The following ARFGEF3 variants were observed in gnomAD, a reference collection of about 807,000 sequenced individuals.
ARFGEF3 encodes the protein brefeldin A-inhibited guanine nucleotide-exchange protein 3.
In ARFGEF3, 96 loss-of-function variants were observed where a neutral mutation model predicts 221.7. The ratio of observed to expected loss-of-function variants is 0.43; its 90% CI spans 0.37 to 0.51. The LOEUF (loss-of-function observed/expected upper bound fraction) is 0.51. Ranked by LOEUF, ARFGEF3 falls within the 20% of genes least tolerant of loss-of-function variation. The probability of loss-of-function intolerance (pLI) is 0.00; values close to 1 mark genes in which losing one functional copy is unlikely to be tolerated. For missense variants in ARFGEF3, 2,410 were observed against 2,789.9 expected (o/e 0.86, Z 3.07); for synonymous variants, 1,145 against 1,126.8 (o/e 1.02, Z -0.32).
At chr6:138,262,592 A>G in intron 11 of ARFGEF3, 109 bp from the exon 12 acceptor site, 3 of 1,071,042 alleles carry the variant, frequency 2.8e-6, no homozygotes, top group Middle Eastern at 2.1e-4. Context: ...AAATCAGACT[A>G]TCTGTTTTGA....
intron 2 of ARFGEF3, among the ~76,000 whole-genome samples, chr6:138,198,671 T>C (rs963354673): frequency 1.3e-5 from 2 of 150,320 alleles, no homozygotes; most frequent in Non-Finnish European, 2.9e-5. Context: ...TGGCTTGAAC[T>C]CAGCAGCTAG....
chr6:138,307,545 G>A, intron 23 of ARFGEF3, 148 bp downstream of exon 23: 2 of 735,656 alleles, frequency 2.7e-6, no homozygotes, highest in Non-Finnish European at 4.4e-6. Flanking sequence ...GCAGGAACAT[G>A]AGTCCTGAGT....
chr6:138,246,857 T>C (rs1778494136), intron 8 of ARFGEF3, among the ~76,000 whole-genome samples: 1 of 152,186 alleles, frequency 6.6e-6, no homozygotes, highest in African/African-American at 2.4e-5. Flanking sequence ...CTCTTGCCAC[T>C]GGGATGTGGA....
At chr6:138,278,338 A>G (rs558551745) in intron 12 of ARFGEF3, 113 bp from the exon 13 acceptor site, 1 of 964,672 alleles carries the variant, frequency 1.0e-6, no homozygotes, top group South Asian at 1.5e-5. Flanking sequence ...AGTGCTATAC[A>G]GAAATATCCT....
chr6:138,227,784 T>C (rs1387903627), intron 4 of ARFGEF3, among the ~76,000 whole-genome samples: 1 of 152,208 alleles, frequency 6.6e-6, no homozygotes, highest in East Asian at 1.9e-4. Flanking sequence ...ATGAGACTGA[T>C]GTCTGCTCTG....
intron 5 of ARFGEF3, among the ~76,000 whole-genome samples, chr6:138,237,942 A>G (rs1778316970): frequency 6.6e-6 from 1 of 152,252 alleles, no homozygotes; most frequent in South Asian, 2.1e-4. Context: ...TAGTTGATTC[A>G]CAGTTCTCCC....
chr6:138,197,411 T>C (rs1405149601), intron 2 of ARFGEF3, among the ~76,000 whole-genome samples: 1 of 152,224 alleles, frequency 6.6e-6, no homozygotes, highest in Non-Finnish European at 1.5e-5. Context: ...TCTAAAATAA[T>C]GATAAGAATA....
At chr6:138,330,168 G>T (rs552195878) in intron 32 of ARFGEF3, among the ~76,000 whole-genome samples, 1 of 152,180 alleles carries the variant, frequency 6.6e-6, no homozygotes, top group South Asian at 2.1e-4. Context: ...GGATGTGTAC[G>T]TGCAGGTCAC....
intron 14 of ARFGEF3, among the ~76,000 whole-genome samples, chr6:138,285,019 A>G (rs1779261451): frequency 6.6e-6 from 1 of 152,210 alleles, no homozygotes; most frequent in Non-Finnish European, 1.5e-5. Context: ...AATGTCTTAT[A>G]TGCAGTTCAT....
At chr6:138,265,049 G>T (rs6923824) in intron 12 of ARFGEF3, among the ~76,000 whole-genome samples, 8 of 151,510 alleles carry the variant, frequency 5.3e-5, no homozygotes, top group Middle Eastern at 3.4e-3. Flanking sequence ...GACTACAGGC[G>T]CCCACCACCA....
intron 3 of ARFGEF3, among the ~76,000 whole-genome samples, chr6:138,209,272 A>ATG (rs766349311): frequency 9.9e-5 from 15 of 151,998 alleles, no homozygotes; most frequent in Non-Finnish European, 1.9e-4. Flanking sequence ...TAGAAAGCAT[A>ATG]TGTGTGTGTG....
At chr6:138,294,975 C>T (rs1779479997) in intron 20 of ARFGEF3, among the ~76,000 whole-genome samples, 1 of 152,138 alleles carries the variant, frequency 6.6e-6, no homozygotes, top group Non-Finnish European at 1.5e-5. Flanking sequence ...GATTTGAGAA[C>T]CACAGTTGTT....
intron 22 of ARFGEF3, among the ~76,000 whole-genome samples, chr6:138,305,598 G>GT (rs1340609056): frequency 7.0e-6 from 1 of 143,260 alleles, no homozygotes; most frequent in Non-Finnish European, 1.5e-5. Context: ...GGACAACAGA[G>GT]TGAGACCCTG....
chr6:138,183,940 G>A (rs1342379593), intron 2 of ARFGEF3, among the ~76,000 whole-genome samples: 1 of 152,146 alleles, frequency 6.6e-6, no homozygotes, highest in African/African-American at 2.4e-5. Context: ...CCAGAGGAGG[G>A]CATTGCCCCT....
At chr6:138,252,988 C>G (rs1283893336) in intron 8 of ARFGEF3, among the ~76,000 whole-genome samples, 1 of 152,032 alleles carries the variant, frequency 6.6e-6, no homozygotes, top group African/African-American at 2.4e-5. Context: ...CTATGAGGAA[C>G]CCCATAATGA....
At chr6:138,232,492 CTG>C (rs1379551315) in intron 5 of ARFGEF3, among the ~76,000 whole-genome samples, 1 of 152,126 alleles carries the variant, frequency 6.6e-6, no homozygotes, top group Non-Finnish European at 1.5e-5. Flanking sequence ...GAAGGCTTCT[CTG>C]TGGGATTTCT....
Position 138,250,851 on chromosome 6 carries a change from C to T in ARFGEF3, c.666-3029C>T, listed in dbSNP as rs6902537. Among the ~76,000 whole-genome samples, 1,052 of 152,348 alleles carry T rather than the reference C, an allele frequency of 6.9e-3. 12 individuals carry two copies. The highest frequency in any genetic ancestry group is 0.024 in the African/African-American group (983 of 41,588). On this transcript the variant is annotated intron_variant, in intron 8 of 33. Coordinates refer to ENST00000251691, the MANE Select transcript of ARFGEF3 (RefSeq NM_020340.5). ...GTGACTTACAGCCCTCCTAAGTAGA[C>T]AGATTTTTCCCTCATGTGTTTTGAA...
chr6:138,291,346 C>T lies in ARFGEF3; in HGVS notation c.3048-387C>T, dbSNP rs1779401029. 6.6e-6 allele frequency among the ~76,000 whole-genome samples: 1 copy of T among 152,140 alleles called. No homozygotes were observed. Among genetic ancestry groups the T allele is most frequent in the South Asian group, 2.1e-4 (1 of 4,820 alleles). On this transcript the variant is annotated intron_variant, in intron 18 of 33. Transcript: ENST00000251691. The surrounding 1 kb of genome is among the most constrained non-coding windows in gnomAD (Gnocchi z 4.5). ...ATCGTAGGGAAACGCTTCCCAACTCCTAATCAGAGCACTATATGGAGGGAA... is the reference window on the plus strand; with the variant it reads ...ATCGTAGGGAAACGCTTCCCAACTCTTAATCAGAGCACTATATGGAGGGAA...
At position 138,336,746 on chromosome 6, in the gene ARFGEF3, A is replaced by AG. The variant is rs1780333276; in HGVS notation, c.*260_*261insG. ...AATCTATAATCCTTGATATGTTTCT[A>AG]ACTCTTGAAGTATATTTCCCAGTGC... On this transcript the variant is annotated 3_prime_UTR_variant, in exon 34 of 34. Coordinates refer to ENST00000251691, the MANE Select transcript of ARFGEF3 (RefSeq NM_020340.5). 3.5e-6 allele frequency: 1 copy of AG among 282,258 alleles called. No individual in the cohort carries two copies. The highest frequency in any genetic ancestry group is 6.5e-6 in the Non-Finnish European group (1 of 153,462). 17.5% of individuals were successfully genotyped at this position (282,258 alleles called of 1,614,324 possible).
Sources: allele counts gnomAD v4.1 joint callset (sites outside exome capture counted in the v4.1 genomes callset), GRCh38; gene constraint gnomAD v4.1.1; non-coding constraint Gnocchi (gnomAD v3.1); transcripts MANE v1.5; gene names NCBI Gene and HGNC (gene_info 2026-07-23, HGNC 2026-07-21).